ADCY2: variants seen among roughly 807,000 people sequenced by gnomAD.
ADCY2 encodes the protein adenylate cyclase 2.
In ADCY2, 31 loss-of-function variants were observed where a neutral mutation model predicts 125.2. The observed-to-expected ratio is 0.25, with a 90% confidence interval of 0.19 to 0.33. ADCY2 has a LOEUF of 0.33. ADCY2 is among the 10% of genes least tolerant of loss of function. The pLI is 1.00. For synonymous variants in ADCY2, 512 were observed against 548.4 expected, an observed-to-expected ratio of 0.93 and a Z score of 0.93; for missense variants, 904 against 1,418.2, an observed-to-expected ratio of 0.64 and a Z score of 5.82.
At chr5:7,726,067 C>G (rs1472112134) in intron 13 of ADCY2, among the ~76,000 whole-genome samples, 1 of 152,158 alleles carries the variant, frequency 6.6e-6, no homozygotes, top group Non-Finnish European at 1.5e-5. Flanking sequence ...CCTCAGAGAT[C>G]CCTCATGCAG....
At chr5:7,704,794 C>A (rs1458817036) in intron 7 of ADCY2, among the ~76,000 whole-genome samples, 4 of 151,366 alleles carry the variant, frequency 2.6e-5, no homozygotes, top group Admixed American at 2.6e-4. Context: ...AGGAGAATGG[C>A]GTGAACCCGG....
At chr5:7,787,259 AG>A (rs1744112517) in intron 19 of ADCY2, among the ~76,000 whole-genome samples, 1 of 152,300 alleles carries the variant, frequency 6.6e-6, no homozygotes, top group Middle Eastern at 3.4e-3. Flanking sequence ...TCACCCAGGC[AG>A]GGGCTTCATC....
intron 4 of ADCY2, among the ~76,000 whole-genome samples, chr5:7,632,482 A>G (rs1738349018): frequency 6.6e-6 from 1 of 152,138 alleles, no homozygotes; most frequent in East Asian, 1.9e-4. Flanking sequence ...CCCAGTGCAG[A>G]GGGCATAGCT....
Position 7,419,236 on chromosome 5 carries a change from C to T in ADCY2, c.408+4466C>T, listed in dbSNP as rs1016507464. ...CAAGCTGGGGGGTTTCCAGGACTAC[C>T]CAGAGATTGGACAATTTTCTAGAAG... On this transcript the variant is annotated intron_variant, in intron 2 of 24. Transcript: ENST00000338316. 3.3e-5 allele frequency among the ~76,000 whole-genome samples: 5 copies of T among 152,062 alleles called. No individual in the cohort carries two copies. In the South Asian group the frequency reaches 1.0e-3, roughly 32 times the overall value.
chr5:7,490,230 A>G (rs1743110252), intron 2 of ADCY2, among the ~76,000 whole-genome samples: 1 of 152,228 alleles, frequency 6.6e-6, no homozygotes, highest in Admixed American at 6.5e-5. Flanking sequence ...AATAGCTTCT[A>G]TAAGCGTTGT....
At chr5:7,459,224 A>G (rs895495608) in intron 2 of ADCY2, among the ~76,000 whole-genome samples, 2 of 152,140 alleles carry the variant, frequency 1.3e-5, no homozygotes, top group African/African-American at 4.8e-5. Flanking sequence ...TCCACTAGCA[A>G]TGCATTGGCC....
chr5:7,399,108 T>C (rs1353822861), intron 1 of ADCY2, among the ~76,000 whole-genome samples: 1 of 152,214 alleles, frequency 6.6e-6, no homozygotes, highest in Admixed American at 6.5e-5. Flanking sequence ...TTTACTTGAA[T>C]AGCTGGGCTG....
intron 12 of ADCY2, among the ~76,000 whole-genome samples, chr5:7,722,268 T>C (rs1321681895): frequency 1.3e-5 from 2 of 152,128 alleles, no homozygotes; most frequent in Non-Finnish European, 2.9e-5. Context: ...TCACAGGCCA[T>C]GGAAACCTAG....
chr5:7,722,629 T>A (rs1741796080), intron 12 of ADCY2, among the ~76,000 whole-genome samples: 1 of 151,888 alleles, frequency 6.6e-6, no homozygotes, highest in Non-Finnish European at 1.5e-5. Flanking sequence ...CCCTACAGCT[T>A]ATACCCTTGA....
intron 18 of ADCY2, among the ~76,000 whole-genome samples, chr5:7,775,221 A>G (rs978042407): frequency 2.0e-5 from 3 of 148,128 alleles, no homozygotes; most frequent in African/African-American, 7.5e-5. Flanking sequence ...ATGCACACAC[A>G]TACATATACA....
intron 3 of ADCY2, among the ~76,000 whole-genome samples, chr5:7,558,572 G>C (rs889954805): frequency 6.6e-6 from 1 of 152,082 alleles, no homozygotes; most frequent in African/African-American, 2.4e-5. Flanking sequence ...GTTCCTTATA[G>C]ATGCTGGATA....
chr5:7,528,671 G>A (rs1055528328), intron 3 of ADCY2, among the ~76,000 whole-genome samples: 8 of 152,140 alleles, frequency 5.3e-5, no homozygotes, highest in Admixed American at 4.6e-4. Context: ...GGTTTATGTC[G>A]AATATGATAC....
intron 4 of ADCY2, among the ~76,000 whole-genome samples, chr5:7,676,185 A>G (rs530167237): frequency 6.6e-6 from 1 of 152,346 alleles, no homozygotes; most frequent in East Asian, 1.9e-4. Flanking sequence ...CATCTACTGA[A>G]TTGAGAGTTT....
In ADCY2 at chr5:7,654,418, A is replaced by C. The variant is rs148764441; in HGVS notation, c.720+28102A>C. Among the ~76,000 whole-genome samples, 1,026 of 152,262 alleles carry C rather than the reference A, an allele frequency of 6.7e-3. 7 individuals carry two copies. Among genetic ancestry groups the C allele is most frequent in the Non-Finnish European group, 0.011 (760 of 68,004 alleles). On this transcript the variant is annotated intron_variant, in intron 4 of 24. Transcript: ENST00000338316. Reference sequence around the variant, plus strand: ...ACGCTATGGAATGATCCAGCAGAGAAGGAAACATGGATGTTGTGGAGAGGT... The same window carrying C: ...ACGCTATGGAATGATCCAGCAGAGACGGAAACATGGATGTTGTGGAGAGGT...
chr5:7,804,725 G>A lies in ADCY2; in HGVS notation c.2883+33G>A, dbSNP rs779512231. The A allele has an allele frequency of 2.7e-5, 42 of 1,552,562 alleles. No homozygotes were observed. In the Middle Eastern group the frequency reaches 1.0e-3, roughly 38 times the overall value. Reference sequence around the variant, plus strand: ...GCGTTGGCCACTTAACGGCACAGGTGAGCCTCAACCCCATCCACAAACCAC... The same window carrying A: ...GCGTTGGCCACTTAACGGCACAGGTAAGCCTCAACCCCATCCACAAACCAC... On this transcript the variant is annotated intron_variant, in intron 22 of 24. Coordinates refer to ENST00000338316, the MANE Select transcript of ADCY2 (RefSeq NM_020546.3).
At chr5:7,410,144 C>T (rs530944080) in intron 1 of ADCY2, among the ~76,000 whole-genome samples, 79 of 152,044 alleles carry the variant, frequency 5.2e-4, no homozygotes, top group African/African-American at 1.5e-3. Flanking sequence ...GTGAAGAAGC[C>T]GGCTGAGGGA....
At position 7,786,662 on chromosome 5, in the gene ADCY2, G is replaced by A. The variant is rs141137051; in HGVS notation, c.2469+2213G>A. On this transcript the variant is annotated intron_variant, in intron 19 of 24. Coordinates refer to ENST00000338316, the MANE Select transcript of ADCY2 (RefSeq NM_020546.3). ...GACAGATGTGTTAACCAACTCAGGA[G>A]TCTCTTTTGAAAAAGAAAGAAGCTT... is the stretch of plus-strand genomic sequence containing the variant. Among the ~76,000 whole-genome samples the A allele has an allele frequency of 5.2e-3, 793 of 152,252 alleles. 7 individuals are homozygous for A. Among genetic ancestry groups the A allele is most frequent in the African/African-American group, 0.018 (741 of 41,546 alleles).
At chr5:7,724,795 C>T (rs958754524) in intron 13 of ADCY2, among the ~76,000 whole-genome samples, 181 bp downstream of exon 13, 1 of 151,934 alleles carries the variant, frequency 6.6e-6, no homozygotes, top group African/African-American at 2.4e-5. Context: ...TTCTTGTTAC[C>T]AAGATTCCAT....
At chr5:7,454,940 A>G (rs1312623881) in intron 2 of ADCY2, among the ~76,000 whole-genome samples, 7 of 152,154 alleles carry the variant, frequency 4.6e-5, no homozygotes, top group Non-Finnish European at 8.8e-5. Context: ...CCTCATGCAT[A>G]GAGCATTTTT....
Sources: allele counts gnomAD v4.1 joint callset (sites outside exome capture counted in the v4.1 genomes callset), GRCh38; gene constraint gnomAD v4.1.1; transcripts MANE v1.5; gene names NCBI Gene and HGNC (gene_info 2026-07-23, HGNC 2026-07-21).